FGF12: variants seen among roughly 807,000 people sequenced by gnomAD.
The protein encoded by FGF12 is fibroblast growth factor 12.
Under a neutral mutation model 23.6 loss-of-function variants are expected in FGF12, and 14 were observed. The ratio of observed to expected loss-of-function variants is 0.59; its 90% CI spans 0.39 to 0.93. FGF12 has a LOEUF of 0.93. Ranked by LOEUF, FGF12 falls within the 40% of genes least tolerant of loss-of-function variation. FGF12 has a pLI of 0.00. For missense variants in FGF12, 175 were observed against 217.8 expected (o/e 0.80, Z 1.24); for synonymous variants, 62 against 77.3 (o/e 0.80, Z 1.04).
At position 192,397,265 on chromosome 3, in the gene FGF12, A is replaced by G. The variant is rs1171885810; in HGVS notation, c.14-36727T>C. On this transcript the variant is annotated intron_variant, in intron 2 of 5. Transcript: ENST00000445105. Reference sequence around the variant, plus strand: ...CCTTTCCTGAGCAAAGCTGCAGAGGATAATGGCCCAGGGATTGTCAGGGAA... The same window carrying G: ...CCTTTCCTGAGCAAAGCTGCAGAGGGTAATGGCCCAGGGATTGTCAGGGAA... 2.0e-5 allele frequency among the ~76,000 whole-genome samples: 3 copies of G among 152,336 alleles called. 1 individual carries two copies. Among genetic ancestry groups the G allele is most frequent in the Non-Finnish European group, 4.4e-5 (3 of 68,030 alleles).
Position 192,328,526 on chromosome 3 carries a change from A to G in FGF12, c.228+6835T>C, listed in dbSNP as rs148061596. Among the ~76,000 whole-genome samples, 5 of 152,310 alleles carry G rather than the reference A, an allele frequency of 3.3e-5. No homozygotes were observed. The East Asian group carries it at 9.7e-4, about 29-fold the overall frequency. On this transcript the variant is annotated intron_variant, in intron 4 of 5. Transcript: ENST00000445105. ...TAGAAGCTCAGTATTTGGTACTTCT[A>G]CTGAATCCTGCTTTAGGTATTTCTT...
chr3:192,212,798 T>A (rs202090132), intron 4 of FGF12, among the ~76,000 whole-genome samples: 74 of 143,938 alleles, frequency 5.1e-4, no homozygotes, highest in African/African-American at 1.8e-3. Flanking sequence ...GGGGGGGGGT[T>A]AAAAAAAGAA....
Position 192,500,479 on chromosome 3 carries a change from C to G in FGF12, c.14-139941G>C, listed in dbSNP as rs376236082. Among the ~76,000 whole-genome samples the G allele has an allele frequency of 1.6e-3, 244 of 152,096 alleles. 1 individual carries two copies. The highest frequency in any genetic ancestry group is 5.2e-3 in the African/African-American group (215 of 41,382). Reference sequence around the variant, plus strand: ...CACACACAGAATAGTCAGGCAATTTCTCAGCAGATGCTACAAATTTCGCTC... The same window carrying G: ...CACACACAGAATAGTCAGGCAATTTGTCAGCAGATGCTACAAATTTCGCTC... On this transcript the variant is annotated intron_variant, in intron 2 of 5. Coordinates refer to ENST00000445105, the MANE Select transcript of FGF12 (RefSeq NM_004113.6).
chr3:192,482,445 C>A (rs1045037515), intron 2 of FGF12, among the ~76,000 whole-genome samples: 1 of 151,760 alleles, frequency 6.6e-6, no homozygotes, highest in Non-Finnish European at 1.5e-5. Flanking sequence ...ACCAGCCTGA[C>A]CAACATGGAG....
At chr3:192,239,238 T>A (rs368396834) in intron 4 of FGF12, among the ~76,000 whole-genome samples, 3 of 152,212 alleles carry the variant, frequency 2.0e-5, no homozygotes, top group African/African-American at 7.2e-5. Flanking sequence ...TGCACTTTAA[T>A]GTTATTCAAA....
rs749513064 is a variant in FGF12 at position 192,436,156 on chromosome 3, A to C, written c.14-75618T>G. Among the ~76,000 whole-genome samples, 174 of 152,188 alleles carry C rather than the reference A, an allele frequency of 1.1e-3. 1 individual carries two copies. Among genetic ancestry groups the C allele is most frequent in the Non-Finnish European group, 7.6e-4 (52 of 68,036 alleles). On this transcript the variant is annotated intron_variant, in intron 2 of 5. Transcript: ENST00000445105. ...CAATACTGTCATAGTCCATGTCTAC[A>C]AGAAGCTCACTCCCATTGTAGATGG...
At chr3:192,382,667 A>C (rs1719869890) in intron 2 of FGF12, among the ~76,000 whole-genome samples, 1 of 152,234 alleles carries the variant, frequency 6.6e-6, no homozygotes, top group South Asian at 2.1e-4. Flanking sequence ...ATTGGTTCTA[A>C]ATAAATTAAA....
intron 2 of FGF12, among the ~76,000 whole-genome samples, chr3:192,512,821 A>G (rs1206520298): frequency 8.8e-5 from 4 of 45,496 alleles, no homozygotes; most frequent in Non-Finnish European, 1.8e-4. Flanking sequence ...TTAAACCTAG[A>G]GTATACTCAA....
At chr3:192,708,241 G>C (rs1286859275) in intron 2 of FGF12, among the ~76,000 whole-genome samples, 2 of 152,116 alleles carry the variant, frequency 1.3e-5, no homozygotes, top group Non-Finnish European at 2.9e-5. Context: ...TTACAGGTGT[G>C]AACTGCCTTG....
intron 5 of FGF12, 140 bp downstream of exon 5, chr3:192,170,318 T>A (rs571180687): frequency 1.5e-6 from 1 of 656,678 alleles, no homozygotes; most frequent in South Asian, 2.0e-5. Flanking sequence ...GATACTATTG[T>A]GTTCTCTGAA....
intron 2 of FGF12, among the ~76,000 whole-genome samples, chr3:192,511,313 A>G (rs1255105440): frequency 6.6e-6 from 1 of 152,090 alleles, no homozygotes; most frequent in African/African-American, 2.4e-5. Flanking sequence ...CTTCTGTTTC[A>G]GATTGAGACT....
chr3:192,278,552 A>G (rs1387506496), intron 4 of FGF12, among the ~76,000 whole-genome samples: 3 of 152,226 alleles, frequency 2.0e-5, no homozygotes, highest in Non-Finnish European at 4.4e-5. Flanking sequence ...ATGAGTGTAT[A>G]ATACTTCTAG....
intron 5 of FGF12, among the ~76,000 whole-genome samples, chr3:192,165,398 C>T (rs1186842018): frequency 1.3e-5 from 2 of 151,392 alleles, no homozygotes; most frequent in East Asian, 3.9e-4. Context: ...ATGTTTAGAC[C>T]AGTTTTACAT....
chr3:192,317,212 A>AG (rs534931741), intron 4 of FGF12, among the ~76,000 whole-genome samples: 419 of 151,984 alleles, frequency 2.8e-3, no homozygotes, highest in Admixed American at 5.2e-3. Context: ...GGAAAGAGTA[A>AG]GGGGGGCTTC....
At chr3:192,291,858 A>C (rs573545177) in intron 4 of FGF12, among the ~76,000 whole-genome samples, 1 of 152,332 alleles carries the variant, frequency 6.6e-6, no homozygotes, top group Admixed American at 6.5e-5. Context: ...AAGATTGTGA[A>C]TCTTAACTAA....
intron 5 of FGF12, among the ~76,000 whole-genome samples, chr3:192,144,857 A>G (rs995828081): frequency 3.3e-5 from 5 of 150,292 alleles, no homozygotes; most frequent in Non-Finnish European, 7.4e-5. Flanking sequence ...CGATGTTTTC[A>G]AATTATTCAA....
intron 2 of FGF12, among the ~76,000 whole-genome samples, chr3:192,579,950 G>A (rs551497365): frequency 2.0e-4 from 31 of 152,190 alleles, no homozygotes; most frequent in African/African-American, 7.2e-4. Context: ...CATTCATTGA[G>A]GTAACGTGCT....
At chr3:192,438,773 G>T (rs1318403679) in intron 2 of FGF12, among the ~76,000 whole-genome samples, 2 of 152,226 alleles carry the variant, frequency 1.3e-5, no homozygotes, top group Non-Finnish European at 2.9e-5. Flanking sequence ...GTGTGACCAA[G>T]AAAGTCAGTT....
chr3:192,409,111 G>A lies in FGF12; in HGVS notation c.14-48573C>T. The A allele has an allele frequency of 2.5e-6, 1 of 404,554 alleles. No homozygotes were observed. Among genetic ancestry groups the A allele is most frequent in the Non-Finnish European group, 3.3e-6 (1 of 298,958 alleles). 25.1% of individuals were successfully genotyped at this position (404,554 alleles called of 1,614,324 possible). On this transcript the variant is annotated intron_variant, in intron 2 of 5. Transcript: ENST00000445105. The surrounding 1 kb of genome is among the most constrained non-coding windows in gnomAD (Gnocchi z 4.8). Reference sequence around the variant, plus strand: ...CGAGGGAGGGAGGGAGATCCTCGAGGGCCAAGCACCCCTCGGGGAGAAACC... The same window carrying A: ...CGAGGGAGGGAGGGAGATCCTCGAGAGCCAAGCACCCCTCGGGGAGAAACC...
Sources: gnomAD v4.1 joint callset for allele counts (sites outside exome capture counted in the v4.1 genomes callset) on GRCh38, gnomAD v4.1.1 for gene constraint, Gnocchi (gnomAD v3.1) non-coding constraint, MANE v1.5 for transcripts, NCBI Gene and HGNC (gene_info 2026-07-23, HGNC 2026-07-21) for gene names.